The following LRRC71 variants were observed in gnomAD, a reference collection of about 807,000 sequenced individuals.
LRRC71 encodes the protein leucine-rich repeat-containing protein 71.
In LRRC71, 54 loss-of-function variants were observed where a neutral mutation model predicts 66.6. That is an observed-to-expected ratio of 0.81 (90% CI 0.65 to 1.02). LRRC71 has a LOEUF of 1.02. Among genes scored for constraint, LRRC71 ranks in the 50% least tolerant of loss-of-function variants. LRRC71 has a pLI of 0.00. For missense variants in LRRC71, 724 were observed against 718.0 expected, an observed-to-expected ratio of 1.01 and a Z score of -0.10; for synonymous variants, 323 against 303.9, an observed-to-expected ratio of 1.06 and a Z score of -0.65.
In LRRC71 at chr1:156,932,957, A is replaced by C; in HGVS notation, c.1668A>C (p.Ala556=). ...KAKLREDEAM[A]FFP is the part of the protein sequence containing the mutation. ...AACTCAGGGAGGATGAGGCCATGGC[A>C]TTCTTCCCCTAGCCCCCTCCCACCT... Residue 556 remains alanine (A), a synonymous_variant, in exon 15 of 15, where the codon GCA becomes GCC. Coordinates refer to ENST00000337428, the MANE Select transcript of LRRC71 (RefSeq NM_144702.3). The C allele has an allele frequency of 1.9e-6, 3 of 1,571,708 alleles. No homozygotes were observed. Among genetic ancestry groups the C allele is most frequent in the Non-Finnish European group, 2.6e-6 (3 of 1,158,002 alleles).
At chr1:156,924,231 G>T in intron 2 of LRRC71, 133 bp downstream of exon 2, 1 of 1,227,146 alleles carries the variant, frequency 8.1e-7, no homozygotes, top group South Asian at 1.5e-5. Flanking sequence ...CGACGAGGCC[G>T]GTGGGGAGGT....
Position 156,927,610 on chromosome 1 carries a change from G to A in LRRC71, c.777G>A (p.Leu259=), listed in dbSNP as rs1185745728. ...ACCGGACCCTCGTCTCGCTCAACCT[G>A]GGTTTCAACCACATCGGTGACGAGG... The part of the protein sequence containing the change: ...SCNRTLVSLN[L]GFNHIGDEGA... The change falls in exon 7 of 15, where the codon CTG becomes CTA. Residue 259 remains leucine, a synonymous_variant. Transcript: ENST00000337428. 6.2e-7 allele frequency: 1 copy of A among 1,602,428 alleles called. No homozygotes were observed. Among genetic ancestry groups the A allele is most frequent in the Non-Finnish European group, 8.5e-7 (1 of 1,174,252 alleles).
At chr1:156,939,596 C>T in the LRRC71 span, 9 of 1,613,218 alleles carry the variant, frequency 5.6e-6, no homozygotes, top group Non-Finnish European at 7.6e-6. Context: ...CTTGAAGCAT[C>T]TTCAGCCAGA....
At chr1:156,932,770 T>G in intron 14 of LRRC71, 83 bp from the exon 15 acceptor site, 2 of 1,066,040 alleles carry the variant, frequency 1.9e-6, no homozygotes, top group Non-Finnish European at 1.4e-6. Context: ...TAACCCACCC[T>G]GCCCCAGGAC....
At chr1:156,937,467 C>T (rs371772318), downstream of LRRC71, 26 of 1,534,158 alleles carry the variant, frequency 1.7e-5, no homozygotes, top group Non-Finnish European at 2.2e-5. Flanking sequence ...TCCGGGGGTC[C>T]TGATGGCATG....
the LRRC71 span, chr1:156,939,454 A>G: frequency 6.4e-7 from 1 of 1,561,818 alleles, no homozygotes; most frequent in South Asian, 1.1e-5. Context: ...CACGGTACCC[A>G]GGGGGAGTAT....
downstream of LRRC71, chr1:156,937,068 G>A: frequency 5.7e-6 from 9 of 1,585,674 alleles, no homozygotes; most frequent in Non-Finnish European, 7.7e-6. Context: ...CCTGGGGAAG[G>A]GGTCTGTGCT....
In LRRC71 at chr1:156,927,427, G is replaced by A; in HGVS notation, c.663-69G>A. 4 of 1,520,172 alleles carry A rather than the reference G, an allele frequency of 2.6e-6. No individual in the cohort carries two copies. In the Admixed American group the frequency reaches 6.2e-5, roughly 23 times the overall value. The allele number at this position is 1,520,172 out of a possible 1,614,324, so 94.2% of individuals were successfully genotyped here. Reference sequence around the variant, plus strand: ...CCAGACCGCCCCCTCAAGCGCTCAAGTCTCCCATATTCCGGCGGACGCCCT... The same window carrying A: ...CCAGACCGCCCCCTCAAGCGCTCAAATCTCCCATATTCCGGCGGACGCCCT... On this transcript the variant is annotated intron_variant, in intron 6 of 14. Coordinates refer to ENST00000337428, the MANE Select transcript of LRRC71 (RefSeq NM_144702.3).
chr1:156,934,728 T>C (rs903715300), downstream of LRRC71: 2 of 151,832 alleles, frequency 1.3e-5, no homozygotes, highest in African/African-American at 2.4e-5. Flanking sequence ...GATCTGGGTC[T>C]GGGGGTGAGA....
At chr1:156,921,776 G>A (rs971550587) in intron 1 of LRRC71, 6 of 496,164 alleles carry the variant, frequency 1.2e-5, no homozygotes, top group Non-Finnish European at 1.6e-5. Context: ...CATGGCTGCT[G>A]TATAGAATAC....
downstream of LRRC71, among the ~76,000 whole-genome samples, chr1:156,936,489 A>T (rs1655188952): frequency 1.3e-5 from 1 of 77,142 alleles, no homozygotes; most frequent in Non-Finnish European, 2.4e-5. Flanking sequence ...AGAAAAAAAA[A>T]AAAAAAAAAT....
chr1:156,924,028 A>G lies in LRRC71; in HGVS notation c.240A>G (p.Lys80=), dbSNP rs1157194268. The change falls in exon 2 of 15, where the codon AAA becomes AAG. Residue 80 remains lysine, a synonymous_variant. Coordinates refer to ENST00000337428, the MANE Select transcript of LRRC71 (RefSeq NM_144702.3). ...GGTGGGGCTACACGGACTTCCCCAA[A>G]GTTGTCAACCGGCCCCGCCCCCACC... ...CTRWGYTDFP[K]VVNRPRPHPP... 1.3e-6 allele frequency: 2 copies of G among 1,548,638 alleles called. No homozygotes were observed. Among genetic ancestry groups the G allele is most frequent in the Non-Finnish European group, 8.7e-7 (1 of 1,146,256 alleles).
In LRRC71 at chr1:156,931,961, G is replaced by A. The variant is rs776045293; in HGVS notation, c.1375G>A (p.Val459Met). The change falls in exon 13 of 15, where the codon GTG becomes ATG. Residue 459 changes from valine (V) to methionine (M), a missense_variant. Coordinates refer to ENST00000337428, the MANE Select transcript of LRRC71 (RefSeq NM_144702.3). ...TEVVNPLLEP[V>M]EHRDGKVFMP... Reference sequence around the variant, plus strand: ...GGTGGTCAACCCTCTCCTGGAGCCTGTGGAGCACCGAGATGGGAAAGTTTT... The same window carrying A: ...GGTGGTCAACCCTCTCCTGGAGCCTATGGAGCACCGAGATGGGAAAGTTTT... The A allele has an allele frequency of 5.0e-6, 8 of 1,600,576 alleles. No individual in the cohort carries two copies. The Admixed American group carries it at 1.4e-4, about 27-fold the overall frequency.
rs891855582 is a variant in LRRC71, at chr1:156,930,091, T to C, written c.1240+362T>C. Among the ~76,000 whole-genome samples the C allele has an allele frequency of 4.1e-5, 4 of 96,846 alleles. 1 individual carries two copies. The South Asian group carries it at 1.5e-3, about 37-fold the overall frequency. The allele number at this position is 96,846 out of a possible 152,430, so 63.5% of individuals were successfully genotyped here. ...TTCTTTCTTTCTTTTCTTTCTTTCTTTCTCTCTCTTTTTTTTTTTTTGATG... is the reference window on the plus strand; with the variant it reads ...TTCTTTCTTTCTTTTCTTTCTTTCTCTCTCTCTCTTTTTTTTTTTTTGATG... On this transcript the variant is annotated intron_variant, in intron 11 of 14. Transcript: ENST00000337428.
chr1:156,939,168 C>T, the LRRC71 span: 1 of 283,128 alleles, frequency 3.5e-6, no homozygotes, highest in Non-Finnish European at 6.7e-6. Flanking sequence ...CTTTCCCGGC[C>T]TGAGGCTCCT....
chr1:156,931,927 G>A lies in LRRC71; in HGVS notation c.1341G>A (p.Glu447=). 2 of 1,586,790 alleles carry A rather than the reference G, an allele frequency of 1.3e-6. No homozygotes were observed. Among genetic ancestry groups the A allele is most frequent in the Non-Finnish European group, 1.7e-6 (2 of 1,165,832 alleles). ...TTCTGCTTTAGCAGCTGGTTGTTGA[G>A]GCTACTGAGGTGGTCAACCCTCTCC... ...SILLESELVV[E]ATEVVNPLLE... The change falls in exon 13 of 15, where the codon GAG becomes GAA. Residue 447 remains glutamate (E), a synonymous_variant. Coordinates refer to ENST00000337428, the MANE Select transcript of LRRC71 (RefSeq NM_144702.3).
chr1:156,921,034 C>T (rs1652281950), intron 1 of LRRC71, 71 bp downstream of exon 1: 1 of 1,432,584 alleles, frequency 7.0e-7, no homozygotes, highest in African/African-American at 1.5e-5. Context: ...TAGCTACTCA[C>T]TGCTCCAAGG....
intron 1 of LRRC71, among the ~76,000 whole-genome samples, chr1:156,923,191 A>C (rs1378684244): frequency 6.6e-6 from 1 of 152,172 alleles, no homozygotes. Flanking sequence ...CCCTGTGGCC[A>C]GCGTGCTGTT....
the LRRC71 span, among the ~76,000 whole-genome samples, chr1:156,938,164 C>T: frequency 2.6e-5 from 4 of 152,202 alleles, no homozygotes; most frequent in African/African-American, 9.7e-5. Flanking sequence ...GCCCCTCCCA[C>T]AATTGCACAC....
Sources: allele counts gnomAD v4.1 joint callset (sites outside exome capture counted in the v4.1 genomes callset), GRCh38; gene constraint gnomAD v4.1.1; transcripts MANE v1.5; gene names NCBI Gene and HGNC (gene_info 2026-07-23, HGNC 2026-07-21).